The following WDR20 variants were observed in gnomAD, a reference collection of about 807,000 sequenced individuals.
The protein encoded by WDR20 is WD repeat-containing protein 20.
WDR20 carries 3 observed loss-of-function variants against 38.7 expected under a neutral mutation model. The ratio of observed to expected loss-of-function variants is 0.08; its 90% CI spans 0.04 to 0.20. The LOEUF is 0.20. Among genes scored for constraint, WDR20 ranks in the 10% least tolerant of loss-of-function variants. The probability of loss-of-function intolerance (pLI) is 1.00; values close to 1 mark genes in which losing one functional copy is unlikely to be tolerated. For missense variants in WDR20, 559 were observed against 727.7 expected (o/e 0.77, Z 2.67); for synonymous variants, 298 against 285.6 (o/e 1.04, Z -0.44).
At chr14:102,149,691 A>T (rs1378914251) in intron 1 of WDR20, among the ~76,000 whole-genome samples, 1 of 151,882 alleles carries the variant, frequency 6.6e-6, no homozygotes, top group African/African-American at 2.4e-5. Context: ...CATCAATTCT[A>T]TTTTATTTAT....
At chr14:102,211,076 A>T (rs1347430643), downstream of WDR20, among the ~76,000 whole-genome samples, 1 of 152,156 alleles carries the variant, frequency 6.6e-6, no homozygotes, top group African/African-American at 2.4e-5. The surrounding 1 kb of genome is among the most constrained non-coding windows in gnomAD (Gnocchi z 4.2). Flanking sequence ...CGGAGACCGC[A>T]GTCTTTCACC....
intron 1 of WDR20, among the ~76,000 whole-genome samples, chr14:102,158,813 T>A (rs1340352198): frequency 6.6e-6 from 1 of 152,072 alleles, no homozygotes; most frequent in South Asian, 2.1e-4. Context: ...TAAAGTCACC[T>A]CCCCGACTCG....
At chr14:102,206,235 C>T (rs540214402) in intron 2 of WDR20, among the ~76,000 whole-genome samples, 2 of 152,334 alleles carry the variant, frequency 1.3e-5, no homozygotes, top group Admixed American at 1.3e-4. Context: ...GATCCACCCT[C>T]CTCGGCCTCC....
chr14:102,143,289 A>G (rs1463143618), intron 1 of WDR20, among the ~76,000 whole-genome samples: 5 of 152,192 alleles, frequency 3.3e-5, no homozygotes, highest in African/African-American at 1.2e-4. Context: ...TTATTTTATT[A>G]AATTCTTGAG....
At chr14:102,194,075 A>G (rs1596615510) in intron 1 of WDR20, among the ~76,000 whole-genome samples, 2 of 152,214 alleles carry the variant, frequency 1.3e-5, no homozygotes, top group South Asian at 4.1e-4. Context: ...GGTCAAACAG[A>G]CCTGGGTTCC....
chr14:102,152,700 C>T (rs991178846), intron 1 of WDR20, among the ~76,000 whole-genome samples: 1 of 152,174 alleles, frequency 6.6e-6, no homozygotes, highest in Non-Finnish European at 1.5e-5. Flanking sequence ...TAGGCGTGAG[C>T]CACCGTACCT....
intron 1 of WDR20, among the ~76,000 whole-genome samples, chr14:102,184,995 G>C (rs1194586936): frequency 6.6e-6 from 1 of 152,146 alleles, no homozygotes; most frequent in Admixed American, 6.5e-5. Flanking sequence ...GTATGTTTGA[G>C]AATGAAGGAG....
At chr14:102,169,740 C>T (rs1413701844) in intron 1 of WDR20, among the ~76,000 whole-genome samples, 2 of 152,100 alleles carry the variant, frequency 1.3e-5, no homozygotes, top group African/African-American at 4.8e-5. Flanking sequence ...GTTGGCCAGG[C>T]TGGTCTCGAA....
chr14:102,199,942 G>A (rs1035832814), intron 2 of WDR20, among the ~76,000 whole-genome samples: 5 of 152,244 alleles, frequency 3.3e-5, no homozygotes, highest in Non-Finnish European at 7.3e-5. Flanking sequence ...GACTTTCACA[G>A]TCTGTGATTG....
Position 102,210,498 on chromosome 14 carries a change from G to A in WDR20, c.*618G>A. ...TTTTAGTCATTTTATGACAATTAAA[G>A]TTGTTTAATAAACATCTTTTTTCAA... On this transcript the variant is annotated 3_prime_UTR_variant, in exon 3 of 3. Transcript: ENST00000342702. 2.0e-6 allele frequency: 2 copies of A among 985,328 alleles called. No homozygotes were observed. The highest frequency in any genetic ancestry group is 2.4e-6 in the Non-Finnish European group (2 of 829,882). 61.0% of individuals were successfully genotyped at this position (985,328 alleles called of 1,614,324 possible). A position where few individuals can be genotyped will look rare whatever the true frequency, so the allele number is the denominator to read the frequency against.
chr14:102,151,953 G>A (rs1211200), intron 1 of WDR20, among the ~76,000 whole-genome samples: 141,345 of 152,000 alleles, frequency 0.93, 65,741 homozygotes, highest in East Asian at 1. Flanking sequence ...GGTCGGTCTC[G>A]CTCTGTTGCC....
intron 1 of WDR20, among the ~76,000 whole-genome samples, chr14:102,151,318 T>C (rs903598917): frequency 1.3e-5 from 2 of 152,102 alleles, no homozygotes; most frequent in Non-Finnish European, 2.9e-5. Flanking sequence ...AAACGAACTA[T>C]GACTGATACT....
intron 2 of WDR20, among the ~76,000 whole-genome samples, chr14:102,202,055 T>C (rs1409889824): frequency 6.6e-6 from 1 of 152,094 alleles, no homozygotes; most frequent in Non-Finnish European, 1.5e-5. Context: ...CTCTTCCCTG[T>C]CCCTCTCTCC....
downstream of WDR20, among the ~76,000 whole-genome samples, chr14:102,212,150 T>C (rs1035844899): frequency 9.2e-5 from 14 of 152,216 alleles, no homozygotes; most frequent in Non-Finnish European, 1.5e-4. Context: ...CTCCGAAGTG[T>C]GCTGTCTAGT....
intron 1 of WDR20, among the ~76,000 whole-genome samples, chr14:102,158,775 A>G (rs933210568): frequency 1.3e-5 from 2 of 152,162 alleles, no homozygotes; most frequent in African/African-American, 4.8e-5. Context: ...CTTCCCTTCT[A>G]TTTTTAAGGA....
intron 1 of WDR20, among the ~76,000 whole-genome samples, chr14:102,175,761 A>G (rs951289319): frequency 1.3e-5 from 2 of 152,104 alleles, no homozygotes; most frequent in Admixed American, 6.5e-5. Context: ...GAGGTCTTTC[A>G]TGTCAATGGT....
chr14:102,192,248 C>T (rs963922484), intron 1 of WDR20, among the ~76,000 whole-genome samples: 11 of 151,218 alleles, frequency 7.3e-5, no homozygotes, highest in Non-Finnish European at 1.2e-4. Flanking sequence ...GGCACGATCT[C>T]GGCTCACTGC....
rs1272034391 is a variant in WDR20 at position 102,208,686 on chromosome 14, G to C, written c.516G>C (p.Gly172=). 1.2e-6 allele frequency: 2 copies of C among 1,614,184 alleles called. No individual in the cohort carries two copies. The highest frequency in any genetic ancestry group is 1.1e-5 in the South Asian group (1 of 91,080). The part of the protein sequence containing the change: ...ESLFLVAHSS[G]NMYLYNVEHT... ...TTTTCCTAGTAGCCCACTCGAGTGG[G>C]AACATGTACTTATATAATGTGGAGC... is the stretch of plus-strand genomic sequence containing the variant. Residue 172 remains glycine, a synonymous_variant, in exon 3 of 3, where the codon GGG becomes GGC. Transcript: ENST00000342702. This position sits in a 1 kb window ranked among gnomAD's most constrained non-coding sequence, Gnocchi z 5.6.
At chr14:102,211,965 G>A (rs993099253), downstream of WDR20, among the ~76,000 whole-genome samples, 5 of 152,146 alleles carry the variant, frequency 3.3e-5, no homozygotes, top group African/African-American at 9.7e-5. This position sits in a 1 kb window ranked among gnomAD's most constrained non-coding sequence, Gnocchi z 4.2. Context: ...AGTAACCAAC[G>A]TGACCGACTG....
Sources: gnomAD v4.1 joint callset for allele counts (sites outside exome capture counted in the v4.1 genomes callset) on GRCh38, gnomAD v4.1.1 for gene constraint, Gnocchi (gnomAD v3.1) non-coding constraint, MANE v1.5 for transcripts, NCBI Gene and HGNC (gene_info 2026-07-23, HGNC 2026-07-21) for gene names.